Variants in TMEM179 observed in about 807,000 individuals in gnomAD.
TMEM179 encodes the protein transmembrane protein 179.
TMEM179 carries 17 observed loss-of-function variants against 22.2 expected under a neutral mutation model. The observed-to-expected ratio is 0.77, with a 90% CI of 0.52 to 1.15. TMEM179 has a LOEUF of 1.15. Among genes scored for constraint, TMEM179 ranks in the 50% most tolerant of loss-of-function variants. The pLI is 0.00. For synonymous variants in TMEM179, 127 were observed against 140.5 expected, an observed-to-expected ratio of 0.90 and a Z score of 0.68; for missense variants, 265 against 313.6, an observed-to-expected ratio of 0.84 and a Z score of 1.17.
rs1886834292 is a variant in TMEM179 at position 104,591,222 on chromosome 14, T to G, written c.*2257A>C. 2 of 374,504 alleles carry G rather than the reference T, an allele frequency of 5.3e-6. No individual in the cohort carries two copies. The highest frequency in any genetic ancestry group is 6.8e-5 in the Admixed American group (2 of 29,602). The allele number at this position is 374,504 out of a possible 1,614,324, so 23.2% of individuals were successfully genotyped here. On this transcript the variant is annotated 3_prime_UTR_variant, in exon 4 of 4. Transcript: ENST00000556573. ...CCTGGCCATGGGGCTGTTCCACACC[T>G]GCTCCTGGGATCCAGCAGTGCAGCC...
Position 104,604,308 on chromosome 14 carries a change from G to A in TMEM179, c.305+129C>T, listed in dbSNP as rs1397459830. ...GGTCTGAGTGGAGGGGGTGAGGGCG[G>A]ATTGTTGACATTTGCGGGCCTCGGA... On this transcript the variant is annotated intron_variant, in intron 1 of 3. Coordinates refer to ENST00000556573, the MANE Select transcript of TMEM179 (RefSeq NM_001286389.2). The surrounding 1 kb of genome is among the most constrained non-coding windows in gnomAD (Gnocchi z 4.6). 6.7e-6 allele frequency: 7 copies of A among 1,045,418 alleles called. No homozygotes were observed. Among genetic ancestry groups the A allele is most frequent in the Non-Finnish European group, 6.6e-6 (5 of 761,054 alleles). 64.8% of individuals were successfully genotyped at this position (1,045,418 alleles called of 1,614,324 possible). A position where few individuals can be genotyped will look rare whatever the true frequency, so the allele number is the denominator to read the frequency against.
intron 3 of TMEM179, chr14:104,594,766 C>G (rs578261639): frequency 8.7e-7 from 1 of 1,153,166 alleles, no homozygotes; most frequent in African/African-American, 1.6e-5. Context: ...CTCTAAGCCT[C>G]CAGCTCTGAT....
rs866293199 is a variant in TMEM179 at position 104,591,687 on chromosome 14, C to T, written c.*1792G>A. 8.4e-5 allele frequency: 26 copies of T among 309,080 alleles called. No individual in the cohort carries two copies. Among genetic ancestry groups the T allele is most frequent in the Middle Eastern group, 9.8e-4 (1 of 1,016 alleles). The allele number at this position is 309,080 out of a possible 1,614,324, so 19.1% of individuals were successfully genotyped here. ...AGGACCCTCCATGTGGACCCAGGCA[C>T]GTGGCCTCCAGGAGGCTGGTGCCCA... On this transcript the variant is annotated 3_prime_UTR_variant, in exon 4 of 4. Transcript: ENST00000556573.
At chr14:104,600,613 C>CTCAT (rs572258329) in intron 1 of TMEM179, among the ~76,000 whole-genome samples, 168 of 151,506 alleles carry the variant, frequency 1.1e-3, no homozygotes, top group African/African-American at 2.8e-3. Context: ...CATTCATTTA[C>CTCAT]TCATTCATTC....
chr14:104,602,713 C>T (rs1194117805), intron 1 of TMEM179, among the ~76,000 whole-genome samples: 1 of 152,194 alleles, frequency 6.6e-6, no homozygotes, highest in Non-Finnish European at 1.5e-5. Flanking sequence ...ACCCTGCGCC[C>T]GGCCTGACCC....
rs1032264788 is a variant in TMEM179 at position 104,594,243 on chromosome 14, G to A, written c.523-585C>T. 5.4e-5 allele frequency: 67 copies of A among 1,231,724 alleles called. No individual in the cohort carries two copies. The African/African-American group carries it at 9.6e-4, about 18-fold the overall frequency. 76.3% of individuals were successfully genotyped at this position (1,231,724 alleles called of 1,614,324 possible). A position where few individuals can be genotyped will look rare whatever the true frequency, so the allele number is the denominator to read the frequency against. On this transcript the variant is annotated intron_variant, in intron 3 of 3. Coordinates refer to ENST00000556573, the MANE Select transcript of TMEM179 (RefSeq NM_001286389.2). The stretch of plus-strand genomic sequence containing the variant: ...TTCCACTCACTAAATTTGCATGAAG[G>A]TGTCTTTGACAGGTCCAGTTCATCT...
chr14:104,596,736 G>T (rs1887035723), intron 2 of TMEM179, among the ~76,000 whole-genome samples: 1 of 152,190 alleles, frequency 6.6e-6, no homozygotes, highest in Admixed American at 6.5e-5. Flanking sequence ...GCTGTATCCA[G>T]CCCTAGGGAT....
rs1886863418 is a variant in TMEM179, at chr14:104,592,064, CCT to C, written c.*1413_*1414del. 1 of 154,382 alleles carries C rather than the reference CCT, an allele frequency of 6.5e-6. No homozygotes were observed. Among genetic ancestry groups the C allele is most frequent in the Admixed American group, 6.3e-5 (1 of 15,764 alleles). The allele number at this position is 154,382 out of a possible 1,614,324, so 9.6% of individuals were successfully genotyped here. On this transcript the variant is annotated 3_prime_UTR_variant, in exon 4 of 4. Transcript: ENST00000556573. ...CTGCAGAATGGGAAGGCAGCTCCCT[CCT>C]CTCTCAGGTGGATGCTGGGCGTGGG...
chr14:104,597,013 G>A lies in TMEM179; in HGVS notation c.420C>T (p.Thr140=), dbSNP rs554638633. The part of the protein sequence containing the change: ...VGFTMWCDTI[T]EKGTVPHSCE... ...ACCTGTGGGGTACGGTGCCCTTCTC[G>A]GTGATGGTGTCGCACCACATGGTGA... Residue 140 remains threonine (T), a synonymous_variant, in exon 2 of 4, where the codon ACC becomes ACT. Transcript: ENST00000556573. This position sits in a 1 kb window ranked among gnomAD's most constrained non-coding sequence, Gnocchi z 4.8. The A allele has an allele frequency of 8.1e-4, 1,302 of 1,608,288 alleles. 22 individuals carry two copies. In the South Asian group the frequency reaches 0.013, roughly 16 times the overall value.
At chr14:104,593,942 G>T (rs1055216258) in intron 3 of TMEM179, 25 of 936,788 alleles carry the variant, frequency 2.7e-5, no homozygotes, top group African/African-American at 1.7e-4. Flanking sequence ...CTCCAGGCCG[G>T]CCAGAGGCCC....
chr14:104,593,237 G>T lies in TMEM179; in HGVS notation c.*242C>A. 1 of 544,636 alleles carries T rather than the reference G, an allele frequency of 1.8e-6. No individual in the cohort carries two copies. 33.7% of individuals were successfully genotyped at this position (544,636 alleles called of 1,614,324 possible). ...AGGCCTGGAGGTGCCCCCCGCCCCCGCCCCACACCCATAGTCTCTCTGCAC... is the reference window on the plus strand; with the variant it reads ...AGGCCTGGAGGTGCCCCCCGCCCCCTCCCCACACCCATAGTCTCTCTGCAC... On this transcript the variant is annotated 3_prime_UTR_variant, in exon 4 of 4. Coordinates refer to ENST00000556573, the MANE Select transcript of TMEM179 (RefSeq NM_001286389.2).
chr14:104,594,817 C>T, intron 3 of TMEM179: 3 of 1,261,744 alleles, frequency 2.4e-6, no homozygotes, highest in South Asian at 2.3e-5. Context: ...AGTCCAAAGC[C>T]CTTGTCCCTA....
chr14:104,594,998 G>T (rs960332692), intron 3 of TMEM179, 167 bp downstream of exon 3: 150 of 1,483,916 alleles, frequency 1.0e-4, no homozygotes, highest in Non-Finnish European at 1.2e-4. Flanking sequence ...CCCACCTCCT[G>T]CAGGAAGCCT....
chr14:104,600,641 C>G (rs1887207940), intron 1 of TMEM179, among the ~76,000 whole-genome samples: 1 of 152,060 alleles, frequency 6.6e-6, no homozygotes, highest in African/African-American at 2.4e-5. Context: ...CATTCATTCA[C>G]TCATTCACTC....
At chr14:104,603,522 T>TTCACAGAGGGAGTGGGTGGGC (rs1243878639) in intron 1 of TMEM179, among the ~76,000 whole-genome samples, 6 of 110,054 alleles carry the variant, frequency 5.5e-5, no homozygotes, top group African/African-American at 1.7e-4. Context: ...AGTGGGTGGG[T>TTCACAGAGGGAGTGGGTGGGC]TCACAGAGGG....
At chr14:104,603,422 C>T (rs1321521536) in intron 1 of TMEM179, among the ~76,000 whole-genome samples, 2 of 151,860 alleles carry the variant, frequency 1.3e-5, no homozygotes, top group Admixed American at 6.5e-5. Flanking sequence ...AGTGCTCTCC[C>T]GGAACCTCTA....
chr14:104,591,696 CAGG>C lies in TMEM179; in HGVS notation c.*1780_*1782del. On this transcript the variant is annotated 3_prime_UTR_variant, in exon 4 of 4. Coordinates refer to ENST00000556573, the MANE Select transcript of TMEM179 (RefSeq NM_001286389.2). ...CATGTGGACCCAGGCACGTGGCCTC[CAGG>C]AGGCTGGTGCCCAGCCACCCAGAGA... is the stretch of plus-strand genomic sequence containing the variant. The C allele has an allele frequency of 3.3e-6, 1 of 303,244 alleles. No individual in the cohort carries two copies. 18.8% of individuals were successfully genotyped at this position (303,244 alleles called of 1,614,324 possible).
intron 2 of TMEM179, among the ~76,000 whole-genome samples, chr14:104,596,653 C>T (rs563945387): frequency 4.6e-4 from 70 of 152,290 alleles, no homozygotes; most frequent in South Asian, 3.9e-3. Flanking sequence ...CCATGCTGCA[C>T]GGGATCTGTC....
intron 3 of TMEM179, chr14:104,594,062 A>G (rs1886932659): frequency 8.1e-7 from 1 of 1,232,024 alleles, no homozygotes. Flanking sequence ...ACCGGAATAA[A>G]TTGACCTTTA....
Sources: gnomAD v4.1 joint callset for allele counts (sites outside exome capture counted in the v4.1 genomes callset) on GRCh38, gnomAD v4.1.1 for gene constraint, Gnocchi (gnomAD v3.1) non-coding constraint, MANE v1.5 for transcripts, NCBI Gene and HGNC (gene_info 2026-07-23, HGNC 2026-07-21) for gene names.